The following GPHN variants were observed in gnomAD, a reference collection of about 807,000 sequenced individuals.
The protein encoded by GPHN is gephyrin.
A neutral mutation model predicts 95.5 loss-of-function variants in GPHN; 17 were observed. The observed-to-expected ratio is 0.18, with a 90% CI of 0.12 to 0.27. The LOEUF is 0.27. GPHN is among the 10% of genes least tolerant of loss of function. GPHN has a pLI of 1.00. For missense variants in GPHN, 660 were observed against 978.1 expected (o/e 0.67, Z 4.34); for synonymous variants, 320 against 322.5 (o/e 0.99, Z 0.08).
chr14:67,298,963 A>G, the GPHN span, among the ~76,000 whole-genome samples: 1 of 152,208 alleles, frequency 6.6e-6, no homozygotes, highest in East Asian at 1.9e-4. Context: ...TTTGCTTAGT[A>G]TAATGTTTTT....
At chr14:66,659,831 G>C (rs1243216635) in intron 1 of GPHN, among the ~76,000 whole-genome samples, 1 of 151,922 alleles carries the variant, frequency 6.6e-6, no homozygotes, top group African/African-American at 2.4e-5. Context: ...TTCAGATGGA[G>C]AGCATATTTT....
At chr14:67,664,725 C>T in the GPHN span, among the ~76,000 whole-genome samples, 19,431 of 152,178 alleles carry the variant, frequency 0.13, 1,296 homozygotes, top group East Asian at 0.22. Flanking sequence ...TCTCAAACTC[C>T]TGACCTCAAG....
At chr14:67,432,384 C>T in the GPHN span, among the ~76,000 whole-genome samples, 2 of 152,238 alleles carry the variant, frequency 1.3e-5, no homozygotes, top group African/African-American at 4.8e-5. Context: ...TTCTTAGAAC[C>T]TGGAATGTGC....
chr14:67,569,086 GTGGGA>G, the GPHN span: 1 of 1,242,918 alleles, frequency 8.0e-7, no homozygotes, highest in Non-Finnish European at 1.2e-6. Context: ...CCTGGAGGGG[GTGGGA>G]TGGGCATCAT....
chr14:67,350,541 CT>C, the GPHN span: 2 of 1,347,602 alleles, frequency 1.5e-6, no homozygotes, highest in Non-Finnish European at 2.1e-6. Context: ...TTAAAAAATG[CT>C]TTTTAAATGA....
chr14:67,097,041 AC>A (rs2077431892), intron 12 of GPHN, among the ~76,000 whole-genome samples: 1 of 152,224 alleles, frequency 6.6e-6, no homozygotes, highest in African/African-American at 2.4e-5. Flanking sequence ...TTTTGTAGCC[AC>A]ATTCATTCGT....
intron 9 of GPHN, among the ~76,000 whole-genome samples, chr14:66,993,680 A>T (rs997654288): frequency 6.6e-6 from 1 of 152,204 alleles, no homozygotes; most frequent in Non-Finnish European, 1.5e-5. Context: ...GGGGAAGAAC[A>T]GATGAAACAT....
chr14:66,901,890 A>G (rs567977198), intron 5 of GPHN, among the ~76,000 whole-genome samples: 1 of 151,806 alleles, frequency 6.6e-6, no homozygotes, highest in East Asian at 1.9e-4. Flanking sequence ...GAATTTTAGG[A>G]TTGTTTTTAT....
chr14:67,117,419 G>C (rs1368610087), intron 16 of GPHN, among the ~76,000 whole-genome samples: 1 of 152,174 alleles, frequency 6.6e-6, no homozygotes, highest in East Asian at 1.9e-4. Flanking sequence ...AGAAGCCAGA[G>C]TTATGCCTGG....
chr14:67,045,326 T>G, intron 10 of GPHN, among the ~76,000 whole-genome samples: 1 of 152,176 alleles, frequency 6.6e-6, no homozygotes, highest in East Asian at 1.9e-4. Flanking sequence ...TTCAGCTTTT[T>G]GCTATGAGGC....
intron 5 of GPHN, among the ~76,000 whole-genome samples, chr14:66,891,175 A>G (rs1283849871): frequency 6.6e-6 from 1 of 152,130 alleles, no homozygotes; most frequent in African/African-American, 2.4e-5. Flanking sequence ...TATATGTAGA[A>G]AACCCAAGAT....
At chr14:67,645,385 G>A in the GPHN span, among the ~76,000 whole-genome samples, 1 of 152,042 alleles carries the variant, frequency 6.6e-6, no homozygotes, top group Non-Finnish European at 1.5e-5. Context: ...AAAATTATAC[G>A]GATTTGGGGA....
intron 1 of GPHN, among the ~76,000 whole-genome samples, chr14:66,635,813 G>GT (rs746535253): frequency 2.1e-4 from 32 of 152,190 alleles, no homozygotes; most frequent in Non-Finnish European, 4.0e-4. Context: ...ATTTATGTGA[G>GT]TTTTCAGGCT....
At chr14:66,586,844 C>G (rs2061440859) in intron 1 of GPHN, among the ~76,000 whole-genome samples, 1 of 151,452 alleles carries the variant, frequency 6.6e-6, no homozygotes, top group Non-Finnish European at 1.5e-5. Flanking sequence ...CCTCAAAGGA[C>G]TAGAAAAAAC....
intron 10 of GPHN, among the ~76,000 whole-genome samples, chr14:67,049,058 G>A (rs982022265): frequency 3.9e-5 from 6 of 152,074 alleles, no homozygotes; most frequent in African/African-American, 1.4e-4. Flanking sequence ...TGGGCTACCG[G>A]CTGCTAGGTG....
chr14:67,049,449 C>A (rs1452924354), intron 10 of GPHN, among the ~76,000 whole-genome samples: 1 of 148,104 alleles, frequency 6.8e-6, no homozygotes, highest in Non-Finnish European at 1.5e-5. Context: ...AGGATGTTTT[C>A]TAATGGCCCA....
chr14:67,469,924 G>A, the GPHN span, among the ~76,000 whole-genome samples: 3 of 152,196 alleles, frequency 2.0e-5, no homozygotes, highest in Non-Finnish European at 4.4e-5. Flanking sequence ...GGTGTTTCCA[G>A]GAGGAGCTCG....
chr14:66,733,804 C>G (rs1340218177), intron 2 of GPHN, among the ~76,000 whole-genome samples: 1 of 152,132 alleles, frequency 6.6e-6, no homozygotes, highest in East Asian at 1.9e-4. Flanking sequence ...CTGAAATAAT[C>G]TATTAAGTCT....
chr14:66,615,088 A>G (rs1313918400), intron 1 of GPHN, among the ~76,000 whole-genome samples: 1 of 152,160 alleles, frequency 6.6e-6, no homozygotes, highest in Non-Finnish European at 1.5e-5. Context: ...GTGTATACGT[A>G]TCACATTTTC....
Sources: allele counts gnomAD v4.1 joint callset (sites outside exome capture counted in the v4.1 genomes callset), GRCh38; gene constraint gnomAD v4.1.1; transcripts MANE v1.5; gene names NCBI Gene and HGNC (gene_info 2026-07-23, HGNC 2026-07-21).